SYBU: variants seen among roughly 807,000 people sequenced by gnomAD.
The protein encoded by SYBU is syntabulin.
In SYBU, 21 loss-of-function variants were observed where a neutral mutation model predicts 35.9. The observed-to-expected ratio is 0.58, with a 90% CI of 0.41 to 0.84. The LOEUF (loss-of-function observed/expected upper bound fraction) is 0.84. Among genes scored for constraint, SYBU ranks in the 40% least tolerant of loss-of-function variants. SYBU has a pLI of 0.00. For missense variants in SYBU, 768 were observed against 848.2 expected, an observed-to-expected ratio of 0.91 and a Z score of 1.17; for synonymous variants, 319 against 324.3, an observed-to-expected ratio of 0.98 and a Z score of 0.18.
chr8:109,600,060 C>G (rs1183523440), intron 3 of SYBU, among the ~76,000 whole-genome samples: 1 of 152,130 alleles, frequency 6.6e-6, no homozygotes, highest in Non-Finnish European at 1.5e-5. Context: ...CTGACCCCAC[C>G]AAGAATTTAA....
chr8:109,660,198 C>T (rs1057042028), intron 1 of SYBU, among the ~76,000 whole-genome samples: 2 of 152,062 alleles, frequency 1.3e-5, no homozygotes, highest in Non-Finnish European at 2.9e-5. Context: ...TTACTTGTTA[C>T]CCTAGGAAGG....
chr8:109,659,787 A>G (rs1345354985), intron 1 of SYBU, among the ~76,000 whole-genome samples: 2 of 152,162 alleles, frequency 1.3e-5, no homozygotes, highest in Non-Finnish European at 2.9e-5. Flanking sequence ...TAATGAATTG[A>G]GTATTAGTAG....
chr8:109,684,371 G>A (rs1413219673), upstream of SYBU, among the ~76,000 whole-genome samples: 3 of 152,174 alleles, frequency 2.0e-5, no homozygotes, highest in Non-Finnish European at 4.4e-5. Flanking sequence ...AAGTTTTCTG[G>A]ACAAACTTCA....
chr8:109,618,863 T>A lies in SYBU; in HGVS notation c.406A>T (p.Lys136Ter). 1 of 1,614,196 alleles carries A rather than the reference T, an allele frequency of 6.2e-7. No individual in the cohort carries two copies. The highest frequency in any genetic ancestry group is 8.5e-7 in the Non-Finnish European group (1 of 1,180,000). ...TGACCTGGTTTCACAAGGCCTGACTTTGATTCCTTCTTATATCGAGAGGAC... is the reference window on the plus strand; with the variant it reads ...TGACCTGGTTTCACAAGGCCTGACTATGATTCCTTCTTATATCGAGAGGAC... Reference protein sequence around the residue: ...IQSSRYKKESKSGLVKPGSEA... With the variant: ...IQSSRYKKES The change falls in exon 3 of 7, where the codon AAG (lysine) becomes TAG (stop). Residue 136 changes from lysine to a stop codon, truncating the protein, a stop_gained. Transcript: ENST00000276646. LOFTEE classifies it high-confidence loss of function.
At chr8:109,639,474 T>C (rs1429150005) in intron 2 of SYBU, among the ~76,000 whole-genome samples, 1 of 152,342 alleles carries the variant, frequency 6.6e-6, no homozygotes, top group African/African-American at 2.4e-5. Flanking sequence ...GCATTTGAGG[T>C]GACACCTTCC....
intron 1 of SYBU, among the ~76,000 whole-genome samples, chr8:109,690,516 A>G (rs1378666783): frequency 6.6e-6 from 1 of 152,204 alleles, no homozygotes; most frequent in Admixed American, 6.5e-5. Flanking sequence ...GGTCAGGGCC[A>G]GAGGACGCAA....
At chr8:109,673,394 G>T (rs866090221) in intron 1 of SYBU, among the ~76,000 whole-genome samples, 2 of 152,178 alleles carry the variant, frequency 1.3e-5, no homozygotes, top group African/African-American at 4.8e-5. Context: ...GGCAAACAGA[G>T]TCTGGAGTGG....
chr8:109,669,327 G>C (rs1232485984), intron 1 of SYBU, among the ~76,000 whole-genome samples: 3 of 118,188 alleles, frequency 2.5e-5, no homozygotes, highest in African/African-American at 1.0e-4. Flanking sequence ...GGGCGACAGA[G>C]TGAGACTCCG....
upstream of SYBU, among the ~76,000 whole-genome samples, chr8:109,681,520 A>G (rs1817395878): frequency 6.6e-6 from 1 of 152,228 alleles, no homozygotes; most frequent in Non-Finnish European, 1.5e-5. Context: ...CAAATTTTTA[A>G]GAAGAAATTT....
intron 1 of SYBU, among the ~76,000 whole-genome samples, chr8:109,679,859 A>G (rs1212602068): frequency 6.6e-6 from 1 of 152,200 alleles, no homozygotes; most frequent in Non-Finnish European, 1.5e-5. Flanking sequence ...GCCAAATGGT[A>G]TTGGAGCCAA....
intron 3 of SYBU, among the ~76,000 whole-genome samples, chr8:109,595,928 A>G (rs1477122642): frequency 1.3e-5 from 2 of 152,232 alleles, no homozygotes; most frequent in African/African-American, 2.4e-5. Flanking sequence ...CACTTCTCTA[A>G]TAAAATATGC....
At chr8:109,685,933 A>AT (rs1278526416), upstream of SYBU, among the ~76,000 whole-genome samples, 1 of 152,242 alleles carries the variant, frequency 6.6e-6, no homozygotes, top group Non-Finnish European at 1.5e-5. Flanking sequence ...GAATCAAGAA[A>AT]TTGTAGGAGT....
chr8:109,604,755 C>T (rs1327198186), intron 3 of SYBU, among the ~76,000 whole-genome samples: 4 of 152,150 alleles, frequency 2.6e-5, no homozygotes, highest in Non-Finnish European at 4.4e-5. Context: ...CTTCTAAGCT[C>T]GTGGCTTGGG....
At chr8:109,618,321 T>C (rs996850137) in intron 3 of SYBU, among the ~76,000 whole-genome samples, 6 of 152,256 alleles carry the variant, frequency 3.9e-5, no homozygotes, top group African/African-American at 1.4e-4. Flanking sequence ...TAATATTTTG[T>C]AATTATTGAA....
At chr8:109,653,288 A>G (rs1183433153) in intron 1 of SYBU, among the ~76,000 whole-genome samples, 2 of 152,316 alleles carry the variant, frequency 1.3e-5, no homozygotes, top group East Asian at 3.9e-4. Flanking sequence ...CCTTACTGAG[A>G]TCTATCCCAA....
chr8:109,657,141 C>T (rs1010558349), intron 1 of SYBU, among the ~76,000 whole-genome samples: 1 of 151,900 alleles, frequency 6.6e-6, no homozygotes, highest in Non-Finnish European at 1.5e-5. Flanking sequence ...ATCTTTTCCA[C>T]AGAGTACTGC....
chr8:109,598,280 T>A (rs1194093023), intron 3 of SYBU, among the ~76,000 whole-genome samples: 1 of 152,216 alleles, frequency 6.6e-6, no homozygotes, highest in East Asian at 1.9e-4. Flanking sequence ...ATATTTCACA[T>A]CCAAAATGAG....
In SYBU at chr8:109,575,131, A is replaced by G. The variant is rs773983767; in HGVS notation, c.1767T>C (p.Gly589=). 1 of 1,614,088 alleles carries G rather than the reference A, an allele frequency of 6.2e-7. No homozygotes were observed. The highest frequency in any genetic ancestry group is 1.7e-5 in the Admixed American group (1 of 60,028). ...FAACVEERLD[G]VIPLARGGVV... ...CGCCCCCGCGAGCCAGTGGGATGAC[A>G]CCATCCAACCTCTCTTCCACGCAGG... is the stretch of plus-strand genomic sequence containing the variant. Residue 589 remains glycine (G), a synonymous_variant, in exon 7 of 7, where the codon GGT becomes GGC. Transcript: ENST00000276646.
intron 4 of SYBU, among the ~76,000 whole-genome samples, chr8:109,581,514 C>G (rs187100811): frequency 6.6e-6 from 1 of 152,126 alleles, no homozygotes; most frequent in Non-Finnish European, 1.5e-5. Context: ...AGATTTGACA[C>G]CCAGTAGTGT....
Sources: allele counts gnomAD v4.1 joint callset (sites outside exome capture counted in the v4.1 genomes callset), GRCh38; gene constraint gnomAD v4.1.1; transcripts MANE v1.5; gene names NCBI Gene and HGNC (gene_info 2026-07-23, HGNC 2026-07-21).